The following RGS7BP variants were observed in gnomAD, a reference collection of about 807,000 sequenced individuals.
The protein encoded by RGS7BP is regulator of G protein signaling 7-binding protein.
In RGS7BP, 9 loss-of-function variants were observed where a neutral mutation model predicts 31.3. That is an observed-to-expected ratio of 0.29 (90% confidence interval 0.17 to 0.50). RGS7BP has a LOEUF of 0.50. RGS7BP is among the 20% of genes least tolerant of loss of function. The pLI, the probability that RGS7BP is intolerant of heterozygous loss-of-function variation, is 0.98. For missense variants in RGS7BP, 274 were observed against 322.0 expected, an observed-to-expected ratio of 0.85 and a Z score of 1.14; for synonymous variants, 115 against 120.1, an observed-to-expected ratio of 0.96 and a Z score of 0.28.
intron 2 of RGS7BP, among the ~76,000 whole-genome samples, chr5:64,512,651 A>C (rs545677482): frequency 6.6e-5 from 10 of 152,218 alleles, no homozygotes; most frequent in Non-Finnish European, 1.0e-4. Context: ...TTAAAAATTC[A>C]GATTGCCGAG....
chr5:64,526,588 C>T (rs145214489), intron 2 of RGS7BP, among the ~76,000 whole-genome samples: 366 of 152,240 alleles, frequency 2.4e-3, no homozygotes, highest in African/African-American at 7.9e-3. Flanking sequence ...TTCCCTGCAA[C>T]CAAAAAGGCA....
chr5:64,528,577 C>T (rs1168632859), intron 2 of RGS7BP, among the ~76,000 whole-genome samples: 3 of 151,892 alleles, frequency 2.0e-5, no homozygotes, highest in Admixed American at 6.6e-5. Flanking sequence ...TTTGGGAGGC[C>T]GAGGTGGGCA....
Position 64,557,478 on chromosome 5 carries a change from C to G in RGS7BP, c.333-18296C>G, listed in dbSNP as rs72754876. ...GCCCAGCCAGGATACCCAAGACAGACAAGAGCTGTCTTTCTACTTTTTTGC... is the reference window on the plus strand; with the variant it reads ...GCCCAGCCAGGATACCCAAGACAGAGAAGAGCTGTCTTTCTACTTTTTTGC... On this transcript the variant is annotated intron_variant, in intron 2 of 5. Coordinates refer to ENST00000334025, the MANE Select transcript of RGS7BP (RefSeq NM_001029875.3). 5.9e-3 allele frequency among the ~76,000 whole-genome samples: 892 copies of G among 152,302 alleles called. 9 individuals carry two copies. Among genetic ancestry groups the G allele is most frequent in the South Asian group, 0.015 (70 of 4,814 alleles).
At chr5:64,536,988 G>A (rs16892823) in intron 2 of RGS7BP, among the ~76,000 whole-genome samples, 1,869 of 152,348 alleles carry the variant, frequency 0.012, 46 homozygotes, top group African/African-American at 0.042. Context: ...TGCATTGCAA[G>A]TATCTTCAAG....
chr5:64,518,774 T>C (rs1749037169), intron 2 of RGS7BP, among the ~76,000 whole-genome samples: 1 of 152,154 alleles, frequency 6.6e-6, no homozygotes, highest in African/African-American at 2.4e-5. Context: ...TGGTTCATGA[T>C]TGAAGAACAT....
chr5:64,605,961 TGCTATATATATGTATATCTGGATAC>T, intron 5 of RGS7BP, among the ~76,000 whole-genome samples: 4 of 146,634 alleles, frequency 2.7e-5, no homozygotes, highest in African/African-American at 5.0e-5. Flanking sequence ...CATATATATA[TGCTATATATATGTATATCTGGATAC>T]ATATATATAT....
intron 3 of RGS7BP, among the ~76,000 whole-genome samples, chr5:64,587,998 A>ATAT (rs1742804257): frequency 6.6e-6 from 1 of 152,220 alleles, no homozygotes; most frequent in Admixed American, 6.5e-5. Flanking sequence ...AGGAAAACAA[A>ATAT]CACTATAAAA....
chr5:64,606,064 C>A, intron 5 of RGS7BP, among the ~76,000 whole-genome samples: 1 of 144,280 alleles, frequency 6.9e-6, no homozygotes, highest in Non-Finnish European at 1.5e-5. Flanking sequence ...AGAGAGAAGG[C>A]TGAGCGAGAA....
intron 2 of RGS7BP, among the ~76,000 whole-genome samples, chr5:64,515,880 A>G (rs958070454): frequency 6.6e-6 from 1 of 151,808 alleles, no homozygotes; most frequent in South Asian, 2.1e-4. Flanking sequence ...CACTCTGCTG[A>G]TACTGAACTC....
chr5:64,608,687 C>T (rs1221815982), intron 5 of RGS7BP, among the ~76,000 whole-genome samples: 2 of 152,044 alleles, frequency 1.3e-5, no homozygotes, highest in Non-Finnish European at 2.9e-5. Flanking sequence ...TTACAGACAG[C>T]TTAGCAAGCT....
chr5:64,536,438 C>T (rs989392163), intron 2 of RGS7BP, among the ~76,000 whole-genome samples: 2 of 152,116 alleles, frequency 1.3e-5, no homozygotes, highest in African/African-American at 4.8e-5. Flanking sequence ...TTGTCGCACG[C>T]GTTCACAATA....
In RGS7BP at chr5:64,576,598, AG is replaced by A. The variant is rs1742437867; in HGVS notation, c.463+695del. ...GAACTTCTCCCAGCTACGGAGAAAA[AG>A]TTGTGAACTTCATTCTGTTTGGACC... On this transcript the variant is annotated intron_variant, in intron 3 of 5. Transcript: ENST00000334025. Among the ~76,000 whole-genome samples the A allele has an allele frequency of 2.6e-5, 4 of 152,318 alleles. No individual in the cohort carries two copies. The South Asian group carries it at 6.2e-4, about 24-fold the overall frequency.
At chr5:64,568,341 T>G (rs985226694) in intron 2 of RGS7BP, among the ~76,000 whole-genome samples, 18 of 151,794 alleles carry the variant, frequency 1.2e-4, no homozygotes, top group African/African-American at 4.4e-4. Flanking sequence ...CCGGAAACCA[T>G]AAAGAGGACA....
intron 5 of RGS7BP, among the ~76,000 whole-genome samples, chr5:64,604,950 G>T (rs1219038726): frequency 6.6e-6 from 1 of 151,952 alleles, no homozygotes; most frequent in Non-Finnish European, 1.5e-5. Flanking sequence ...TGGGAGTATT[G>T]CTTGAGGCCA....
At chr5:64,517,634 GT>G (rs1749010416) in intron 2 of RGS7BP, among the ~76,000 whole-genome samples, 1 of 152,102 alleles carries the variant, frequency 6.6e-6, no homozygotes, top group Non-Finnish European at 1.5e-5. Context: ...CCTCATTATA[GT>G]CCACCATGCT....
chr5:64,577,363 A>T (rs963785253), intron 3 of RGS7BP, among the ~76,000 whole-genome samples: 2 of 152,062 alleles, frequency 1.3e-5, no homozygotes, highest in Non-Finnish European at 2.9e-5. Context: ...AATGGCATGA[A>T]CCTGGGAGGC....
chr5:64,523,079 G>C (rs1240058531), intron 2 of RGS7BP, among the ~76,000 whole-genome samples: 2 of 152,204 alleles, frequency 1.3e-5, no homozygotes, highest in Non-Finnish European at 2.9e-5. Flanking sequence ...GGTACTGCCA[G>C]GAGATAAAGG....
At chr5:64,533,345 A>C (rs763666798) in intron 2 of RGS7BP, among the ~76,000 whole-genome samples, 6 of 152,342 alleles carry the variant, frequency 3.9e-5, no homozygotes, top group Admixed American at 3.3e-4. Context: ...CTAATGCTAG[A>C]TCTTCAGGTA....
At chr5:64,521,278 G>A (rs1749100571) in intron 2 of RGS7BP, among the ~76,000 whole-genome samples, 11 of 152,074 alleles carry the variant, frequency 7.2e-5, no homozygotes, top group Admixed American at 5.9e-4. Context: ...TATTTTTTGA[G>A]ATGGAGTCTT....
Sources: allele counts gnomAD v4.1 joint callset (sites outside exome capture counted in the v4.1 genomes callset), GRCh38; gene constraint gnomAD v4.1.1; transcripts MANE v1.5; gene names NCBI Gene and HGNC (gene_info 2026-07-23, HGNC 2026-07-21).